Variants in P2RY8 observed in about 807,000 individuals in gnomAD.
P2RY8 encodes the protein P2Y receptor family member 8.
A neutral mutation model predicts 10.0 loss-of-function variants in P2RY8; 6 were observed. The ratio of observed to expected loss-of-function variants is 0.60; its 90% CI spans 0.33 to 1.19. The LOEUF is 1.19. Ranked by LOEUF, P2RY8 falls within the 50% of genes most tolerant of loss-of-function variation. The pLI, the probability that P2RY8 is intolerant of heterozygous loss-of-function variation, is 0.04. For missense variants in P2RY8, 456 were observed against 542.0 expected (o/e 0.84, Z 1.58); for synonymous variants, 276 against 252.5 (o/e 1.09, Z -0.88).
intron 1 of P2RY8, among the ~76,000 whole-genome samples, chrX:1,490,891 A>AC (rs2092039853): frequency 2.7e-5 from 4 of 146,498 alleles, no homozygotes; most frequent in African/African-American, 1.0e-4. Flanking sequence ...AATGAATGAT[A>AC]CCCAGATATT....
chrX:1,525,521 C>T (rs1383809127), intron 1 of P2RY8, among the ~76,000 whole-genome samples: 12 of 152,120 alleles, frequency 7.9e-5, no homozygotes, highest in African/African-American at 2.9e-4. Flanking sequence ...AAGATTCTCC[C>T]CAAAGCCTCA....
At chrX:1,484,650 C>A (rs1181086069) in intron 1 of P2RY8, among the ~76,000 whole-genome samples, 1 of 143,878 alleles carries the variant, frequency 7.0e-6, no homozygotes, top group African/African-American at 2.5e-5. Flanking sequence ...ATTGCTGGAA[C>A]CCGGGAGGCG....
intron 1 of P2RY8, among the ~76,000 whole-genome samples, chrX:1,528,014 G>T (rs1223054196): frequency 1.3e-5 from 2 of 152,152 alleles, no homozygotes; most frequent in Admixed American, 6.6e-5. Flanking sequence ...GCCACCTGCT[G>T]GTCTGTCCCT....
intron 1 of P2RY8, among the ~76,000 whole-genome samples, chrX:1,480,472 C>T (rs1333153103): frequency 6.6e-6 from 1 of 150,726 alleles, no homozygotes; most frequent in Non-Finnish European, 1.5e-5. Context: ...ACTGCAGCCT[C>T]GAACTCCTGG....
chrX:1,523,503 T>C (rs1477314220), intron 1 of P2RY8, among the ~76,000 whole-genome samples: 1 of 152,088 alleles, frequency 6.6e-6, no homozygotes, highest in African/African-American at 2.4e-5. Context: ...TGAAAAATAT[T>C]GCAGATTTGT....
Position 1,483,035 on chromosome X carries a change from T to G in P2RY8, c.-24-16453A>C, listed in dbSNP as rs1278541996. On this transcript the variant is annotated intron_variant, in intron 1 of 1. Coordinates refer to ENST00000381297, the MANE Select transcript of P2RY8 (RefSeq NM_178129.5). ...GTGCAGCACACCAACATGGCACATG[T>G]ATACATATGTAACAAACCTGCACGT... is the stretch of plus-strand genomic sequence containing the variant. Among the ~76,000 whole-genome samples, 24 of 152,182 alleles carry G rather than the reference T, an allele frequency of 1.6e-4. No homozygotes were observed. In the Middle Eastern group the frequency reaches 0.01, roughly 65 times the overall value.
rs1425454738 is a variant in P2RY8, at chrX:1,464,537, G to A, written c.*942C>T. On this transcript the variant is annotated 3_prime_UTR_variant, in exon 2 of 2. Transcript: ENST00000381297. ...AAAAGGACGCGGAGAATGGGCAGGA[G>A]GTGGGGAACTCCCGAATCAAGCTGC... The A allele has an allele frequency of 4.3e-6, 1 of 233,498 alleles. No individual in the cohort carries two copies. 14.5% of individuals were successfully genotyped at this position (233,498 alleles called of 1,614,324 possible).
chrX:1,500,001 G>A, intron 1 of P2RY8, among the ~76,000 whole-genome samples: 1 of 96,164 alleles, frequency 1.0e-5, no homozygotes, highest in Admixed American at 1.3e-4. Context: ...TGGGACTACA[G>A]GCGTGTACCA....
At chrX:1,501,826 C>G (rs1420809313) in intron 1 of P2RY8, among the ~76,000 whole-genome samples, 1 of 152,086 alleles carries the variant, frequency 6.6e-6, no homozygotes, top group East Asian at 1.9e-4. Context: ...ATATCTGGAC[C>G]TTGTGATCTG....
chrX:1,507,709 C>A (rs749523519), intron 1 of P2RY8, among the ~76,000 whole-genome samples: 1 of 152,174 alleles, frequency 6.6e-6, no homozygotes, highest in South Asian at 2.1e-4. Flanking sequence ...TGTCTCCCTG[C>A]CACATTCATG....
At position 1,509,095 on chromosome X, in the gene P2RY8, C is replaced by CTATCTATGTATCTATG. The variant is rs1430108419; in HGVS notation, c.-25+27825_-25+27826insCATAGATACATAGATA. Among the ~76,000 whole-genome samples, 4 of 137,888 alleles carry CTATCTATGTATCTATG rather than the reference C, an allele frequency of 2.9e-5. 1 individual carries two copies. The highest frequency in any genetic ancestry group is 1.1e-4 in the African/African-American group (4 of 37,360). 90.5% of individuals were successfully genotyped at this position (137,888 alleles called of 152,430 possible). On this transcript the variant is annotated intron_variant, in intron 1 of 1. Transcript: ENST00000381297. ...TCTATCTATGTATCTATCTATGTAT[C>CTATCTATGTATCTATG]TATGTATCTATCTATCTATCTATCT...
intron 1 of P2RY8, among the ~76,000 whole-genome samples, chrX:1,524,653 C>T (rs756568799): frequency 1.1e-4 from 2 of 17,932 alleles, no homozygotes; most frequent in Non-Finnish European, 1.9e-4. Context: ...ATACATCCAT[C>T]CATCCATCCA....
chrX:1,483,716 CT>C (rs1235595885), intron 1 of P2RY8, among the ~76,000 whole-genome samples: 2 of 152,024 alleles, frequency 1.3e-5, no homozygotes, highest in African/African-American at 4.8e-5. Flanking sequence ...CAAAAACAGG[CT>C]TCCTTAAAAC....
At chrX:1,526,138 A>C (rs1277070757) in intron 1 of P2RY8, among the ~76,000 whole-genome samples, 14 of 130,814 alleles carry the variant, frequency 1.1e-4, no homozygotes, top group South Asian at 2.4e-4. Context: ...TTTATTCATG[A>C]ATCCATTCGT....
intron 1 of P2RY8, among the ~76,000 whole-genome samples, chrX:1,525,359 G>A (rs5948936): frequency 0.85 from 129,102 of 152,074 alleles, 54,932 homozygotes; most frequent in East Asian, 0.98. Flanking sequence ...TTAATCCTAT[G>A]GGACTGGGGT....
At chrX:1,522,316 C>T (rs1357206657) in intron 1 of P2RY8, among the ~76,000 whole-genome samples, 8 of 151,870 alleles carry the variant, frequency 5.3e-5, no homozygotes, top group East Asian at 1.9e-4. Flanking sequence ...TCATTGTAAA[C>T]GGAATACCTC....
chrX:1,512,069 T>TG (rs1295066536), intron 1 of P2RY8, among the ~76,000 whole-genome samples: 1 of 151,450 alleles, frequency 6.6e-6, no homozygotes, highest in East Asian at 1.9e-4. Context: ...GCTCCCAGGC[T>TG]GGCGGGGGGG....
Position 1,464,571 on chromosome X carries a change from G to T in P2RY8, c.*908C>A, listed in dbSNP as rs187082775. 2.2e-4 allele frequency: 52 copies of T among 233,482 alleles called. No individual in the cohort carries two copies. In the East Asian group the frequency reaches 3.1e-3, roughly 14 times the overall value. 14.5% of individuals were successfully genotyped at this position (233,482 alleles called of 1,614,324 possible). A position where few individuals can be genotyped will look rare whatever the true frequency, so the allele number is the denominator to read the frequency against. On this transcript the variant is annotated 3_prime_UTR_variant, in exon 2 of 2. Coordinates refer to ENST00000381297, the MANE Select transcript of P2RY8 (RefSeq NM_178129.5). ...CTCCCGAATCAAGCTGCACCCTTGT[G>T]TTGGGATGGGCTGGACCCCATCTCA...
chrX:1,508,067 C>T (rs772500223), intron 1 of P2RY8, among the ~76,000 whole-genome samples: 30 of 152,262 alleles, frequency 2.0e-4, no homozygotes, highest in African/African-American at 2.9e-4. Context: ...GTCCCCCCGA[C>T]GCCCTGTGGG....
Sources: gnomAD v4.1 joint callset for allele counts (sites outside exome capture counted in the v4.1 genomes callset) on GRCh38, gnomAD v4.1.1 for gene constraint, MANE v1.5 for transcripts, NCBI Gene and HGNC (gene_info 2026-07-23, HGNC 2026-07-21) for gene names.